APC2: variants seen among roughly 807,000 people sequenced by gnomAD.
APC2 encodes the protein APC regulator of Wnt signaling pathway 2.
In APC2, 41 loss-of-function variants were observed where a neutral mutation model predicts 72.5. The ratio of observed to expected loss-of-function variants is 0.57; its 90% CI spans 0.44 to 0.73. The LOEUF is 0.73. Among genes scored for constraint, APC2 ranks in the 30% least tolerant of loss-of-function variants. APC2 has a pLI of 0.00. For synonymous variants in APC2, 1,898 were observed against 1,612.0 expected (o/e 1.18, Z -4.25); for missense variants, 3,729 against 3,403.4 (o/e 1.10, Z -2.38).
At position 1,457,140 on chromosome 19, in the gene APC2, G is replaced by A. The variant is rs780124458; in HGVS notation, c.1104G>A (p.Met368Ile). ...QPDQGLARKE[M>I]RVLHVLEQIR... The stretch of plus-strand genomic sequence containing the variant: ...ACCAGGGCCTGGCGCGCAAGGAGAT[G>A]CGCGTCCTGCACGTGCTGGAGCAGA... The change falls in exon 9 of 15, where the codon ATG becomes ATA. Residue 368 changes from methionine to isoleucine, a missense_variant. By Grantham distance (10) the Met-to-Ile change is conservative. Transcript: ENST00000590469. The A allele has an allele frequency of 1.8e-5, 28 of 1,589,026 alleles. No homozygotes were observed. In the South Asian group the frequency reaches 2.5e-4, roughly 14 times the overall value.
chr19:1,468,569 A>T lies in APC2; in HGVS notation c.5268A>T (p.Ala1756=). 1 of 1,598,276 alleles carries T rather than the reference A, an allele frequency of 6.3e-7. No homozygotes were observed. The change falls in exon 15 of 15, where the codon GCA becomes GCT. Residue 1756 remains alanine (A), a synonymous_variant. Coordinates refer to ENST00000590469, the MANE Select transcript of APC2 (RefSeq NM_005883.3). The part of the protein sequence containing the change: ...GSARRPEKRG[A]ASVKTSGSPR... ...CCCGGCGGCCAGAGAAAAGGGGCGC[A>T]GCCTCAGTCAAGACCAGCGGGAGCC...
chr19:1,456,683 G>A (rs1158015316), intron 8 of APC2, among the ~76,000 whole-genome samples, 170 bp from the exon 9 acceptor site: 1 of 152,088 alleles, frequency 6.6e-6, no homozygotes, highest in Non-Finnish European at 1.5e-5. Context: ...GGTGAGGGGG[G>A]CCAGCCTCCC....
Position 1,471,784 on chromosome 19 carries a change from T to G in APC2, c.*1571T>G, listed in dbSNP as rs2084138640. On this transcript the variant is annotated 3_prime_UTR_variant, in exon 15 of 15. Transcript: ENST00000590469. ...CATCCCTCCCGTCCCATCCCCAGCA[T>G]GGGCAAGGCCAGCCTTTCTGGCAGA... The G allele has an allele frequency of 1.3e-5, 2 of 152,268 alleles. No individual in the cohort carries two copies. The highest frequency in any genetic ancestry group is 6.5e-5 in the Admixed American group (1 of 15,278). The allele number at this position is 152,268 out of a possible 1,614,324, so 9.4% of individuals were successfully genotyped here.
chr19:1,468,617 G>A lies in APC2; in HGVS notation c.5316G>A (p.Glu1772=). 7.5e-6 allele frequency: 12 copies of A among 1,601,422 alleles called. No homozygotes were observed. The highest frequency in any genetic ancestry group is 1.0e-5 in the Non-Finnish European group (12 of 1,172,782). The change falls in exon 15 of 15, where the codon GAG becomes GAA. Residue 1772 remains glutamate, a synonymous_variant. Transcript: ENST00000590469. ...SGSPRSPAGP[E]KPRGTQKTTP... is the part of the protein sequence containing the mutation. Reference sequence around the variant, plus strand: ...GCCCCCGTTCCCCTGCAGGCCCCGAGAAGCCACGTGGCACACAGAAGACCA... The same window carrying A: ...GCCCCCGTTCCCCTGCAGGCCCCGAAAAGCCACGTGGCACACAGAAGACCA...
chr19:1,449,038 G>A (rs1212029183), upstream of APC2, among the ~76,000 whole-genome samples: 7 of 152,126 alleles, frequency 4.6e-5, 1 homozygote, highest in Admixed American at 2.0e-4. Flanking sequence ...TTCAGCTCAA[G>A]GCCCAACAGG....
At chr19:1,448,585 C>A (rs1372188099), upstream of APC2, among the ~76,000 whole-genome samples, 2 of 147,130 alleles carry the variant, frequency 1.4e-5, no homozygotes, top group Non-Finnish European at 3.0e-5. Flanking sequence ...GTGGTTCACG[C>A]CTGTAATCCC....
intron 6 of APC2, 109 bp from the exon 7 acceptor site, chr19:1,455,967 C>T: frequency 3.9e-6 from 2 of 510,612 alleles, no homozygotes; most frequent in Non-Finnish European, 5.3e-6. Flanking sequence ...GCGGGGTTAT[C>T]AGGAAGAGGC....
In APC2 at chr19:1,467,511, G is replaced by A. The variant is rs1407029592; in HGVS notation, c.4210G>A (p.Ala1404Thr). The change falls in exon 15 of 15, where the codon GCC becomes ACC. Residue 1404 changes from alanine (A) to threonine (T), a missense_variant. Physicochemically the swap from Ala to Thr is moderately conservative, Grantham distance 58. Transcript: ENST00000590469. ...CACGCCGGTCAACTTCTCTAGCGCC[G>A]CCTCGCTCAGCGACGAGACGCTGCA... ...EGTPVNFSSA[A>T]SLSDETLQGP... 1.4e-5 allele frequency: 20 copies of A among 1,466,158 alleles called. No individual in the cohort carries two copies. The highest frequency in any genetic ancestry group is 4.7e-5 in the Admixed American group (2 of 42,616). The allele number at this position is 1,466,158 out of a possible 1,614,324, so 90.8% of individuals were successfully genotyped here.
chr19:1,460,917 C>T (rs1001542243), intron 12 of APC2, 60 bp downstream of exon 12: 4 of 1,600,264 alleles, frequency 2.5e-6, no homozygotes, highest in African/African-American at 2.7e-5. Context: ...GAGGCCCCTC[C>T]CCAGCGGTGT....
chr19:1,460,793 C>T lies in APC2; in HGVS notation c.1457C>T (p.Ala486Val), dbSNP rs375113046. 18 of 1,612,924 alleles carry T rather than the reference C, an allele frequency of 1.1e-5. No homozygotes were observed. Among genetic ancestry groups the T allele is most frequent in the Admixed American group, 5.0e-5 (3 of 59,974 alleles). ...GDVANKATLC[A>V]RRGCMEAIVA... ...AACCCCCAACAGGCCACCCTGTGTG[C>T]GCGCCGCGGCTGCATGGAGGCCATC... Residue 486 changes from alanine to valine, a missense_variant, in exon 12 of 15, where the codon GCG (alanine) becomes GTG (valine). By Grantham distance (64) the Ala-to-Val change is moderately conservative. Coordinates refer to ENST00000590469, the MANE Select transcript of APC2 (RefSeq NM_005883.3).
rs1224427358 is a variant in APC2, at chr19:1,468,102, G to A, written c.4801G>A (p.Gly1601Ser). ...GGAGCCGCCGGCCGTCCATCCACGAGGCCGGGAGCCCGCGGTCACCAAGGA... is the reference window on the plus strand; with the variant it reads ...GGAGCCGCCGGCCGTCCATCCACGAAGCCGGGAGCCCGCGGTCACCAAGGA... ...PSEPPAVHPR[G>S]REPAVTKDPG... Residue 1601 changes from glycine to serine, a missense_variant, in exon 15 of 15, where the codon GGC (glycine) becomes AGC (serine). By Grantham distance (56) the Gly-to-Ser change is moderately conservative (BLOSUM62 0). Transcript: ENST00000590469. 6.5e-7 allele frequency: 1 copy of A among 1,529,784 alleles called. No homozygotes were observed. The highest frequency in any genetic ancestry group is 8.7e-7 in the Non-Finnish European group (1 of 1,146,822). The allele number at this position is 1,529,784 out of a possible 1,614,324, so 94.8% of individuals were successfully genotyped here.
rs1169020585 is a variant in APC2 at position 1,468,085 on chromosome 19, C to T, written c.4784C>T (p.Pro1595Leu). The T allele has an allele frequency of 3.9e-6, 6 of 1,547,466 alleles. No homozygotes were observed. Among genetic ancestry groups the T allele is most frequent in the Admixed American group, 3.7e-5 (2 of 54,334 alleles). Reference sequence around the variant, plus strand: ...AGCGAGCCCGAGCCCTCGGAGCCGCCGGCCGTCCATCCACGAGGCCGGGAG... The same window carrying T: ...AGCGAGCCCGAGCCCTCGGAGCCGCTGGCCGTCCATCCACGAGGCCGGGAG... The part of the protein sequence containing the change: ...SLSEPEPSEP[P>L]AVHPRGREPA... The change falls in exon 15 of 15, where the codon CCG (proline) becomes CTG (leucine). Residue 1595 changes from proline to leucine, a missense_variant. Transcript: ENST00000590469.
chr19:1,466,276 C>A lies in APC2; in HGVS notation c.2975C>A (p.Thr992Asn), dbSNP rs1392272004. The A allele has an allele frequency of 6.5e-7, 1 of 1,533,390 alleles. No individual in the cohort carries two copies. Among genetic ancestry groups the A allele is most frequent in the South Asian group, 1.2e-5 (1 of 81,744 alleles). 95.0% of individuals were successfully genotyped at this position (1,533,390 alleles called of 1,614,324 possible). A position where few individuals can be genotyped will look rare whatever the true frequency, so the allele number is the denominator to read the frequency against. The change falls in exon 15 of 15, where the codon ACC (threonine) becomes AAC (asparagine). Residue 992 changes from threonine to asparagine, a missense_variant. Coordinates refer to ENST00000590469, the MANE Select transcript of APC2 (RefSeq NM_005883.3). ...EATSADARVR[T>N]IKLSPTYQHV... ...ACCTCCGCCGACGCCCGCGTGCGCA[C>A]CATCAAGCTGTCGCCTACCTATCAG...
upstream of APC2, chr19:1,450,102 C>T (rs1392472511): frequency 2.2e-5 from 22 of 978,424 alleles, no homozygotes; most frequent in Non-Finnish European, 2.4e-5. Flanking sequence ...CATCCCTCAT[C>T]CCGCATCCTC....
At chr19:1,462,492 C>G (rs960906713) in intron 14 of APC2, among the ~76,000 whole-genome samples, 3 of 150,550 alleles carry the variant, frequency 2.0e-5, no homozygotes, top group Non-Finnish European at 4.4e-5. Flanking sequence ...CCTGTCCCTA[C>G]TAAAAATATA....
chr19:1,448,858 G>A (rs1032047969), upstream of APC2, among the ~76,000 whole-genome samples: 153 of 137,184 alleles, frequency 1.1e-3, 1 homozygote, highest in East Asian at 0.021. Flanking sequence ...AAAAAAAAAA[G>A]AAAAAAAAGA....
At chr19:1,456,229 C>A in intron 7 of APC2, 76 bp downstream of exon 7, 5 of 1,550,348 alleles carry the variant, frequency 3.2e-6, no homozygotes, top group Non-Finnish European at 4.4e-6. Context: ...GTTCTGCCCG[C>A]CCCCGCCCAC....
At chr19:1,456,494 C>T (rs927583316) in intron 8 of APC2, 90 bp downstream of exon 8, 9 of 1,304,960 alleles carry the variant, frequency 6.9e-6, no homozygotes, top group African/African-American at 5.9e-5. Flanking sequence ...GGTGCCCTCC[C>T]ATGCCTCCAT....
intron 13 of APC2, chr19:1,461,654 C>G (rs974707678): frequency 1.3e-5 from 5 of 372,084 alleles, no homozygotes; most frequent in Admixed American, 1.3e-4. Context: ...AGATCGAGAC[C>G]ATCCTGGCTA....
Sources: allele counts gnomAD v4.1 joint callset (sites outside exome capture counted in the v4.1 genomes callset), GRCh38; gene constraint gnomAD v4.1.1; transcripts MANE v1.5; gene names NCBI Gene and HGNC (gene_info 2026-07-23, HGNC 2026-07-21).